DNMBP: variants seen among roughly 807,000 people sequenced by gnomAD.
DNMBP encodes dynamin-binding protein.
DNMBP carries 87 observed loss-of-function variants against 150.0 expected under a neutral mutation model. The ratio of observed to expected loss-of-function variants is 0.58; its 90% CI spans 0.49 to 0.69. The LOEUF is 0.69. Ranked by LOEUF, DNMBP falls within the 30% of genes least tolerant of loss-of-function variation. The pLI, the probability that DNMBP is intolerant of heterozygous loss-of-function variation, is 0.00. For synonymous variants in DNMBP, 711 were observed against 750.4 expected, an observed-to-expected ratio of 0.95 and a Z score of 0.86; for missense variants, 1,774 against 1,949.0, an observed-to-expected ratio of 0.91 and a Z score of 1.69.
rs373241582 is a variant in DNMBP, at chr10:99,895,122, C to CTTT, written c.3052-75_3052-73dup. 4,663 of 506,628 alleles carry CTTT rather than the reference C, an allele frequency of 9.2e-3. 8 individuals carry two copies. Among genetic ancestry groups the CTTT allele is most frequent in the South Asian group, 0.02 (788 of 40,130 alleles). 31.4% of individuals were successfully genotyped at this position (506,628 alleles called of 1,614,324 possible). A position where few individuals can be genotyped will look rare whatever the true frequency, so the allele number is the denominator to read the frequency against. The stretch of plus-strand genomic sequence containing the variant: ...TAATCTTACTGGCAAAAGTAGCTTG[C>CTTT]TTTTTTTTTTTTTTTTTTGTGGAGA... On this transcript the variant is annotated intron_variant, in intron 10 of 16. Coordinates refer to ENST00000324109, the MANE Select transcript of DNMBP (RefSeq NM_015221.4).
At chr10:99,995,056 A>ATT (rs752654175) in intron 1 of DNMBP, among the ~76,000 whole-genome samples, 12 of 128,180 alleles carry the variant, frequency 9.4e-5, no homozygotes, top group East Asian at 2.2e-4. Context: ...CTTGAAAACA[A>ATT]TTTTTTTTTT....
intron 6 of DNMBP, among the ~76,000 whole-genome samples, chr10:99,906,606 A>T (rs1416218715): frequency 6.6e-6 from 1 of 152,038 alleles, no homozygotes; most frequent in East Asian, 1.9e-4. Flanking sequence ...GCTCTCTCTC[A>T]CAGGTCACTC....
At chr10:99,944,850 T>C (rs1404297936) in intron 4 of DNMBP, among the ~76,000 whole-genome samples, 4 of 152,220 alleles carry the variant, frequency 2.6e-5, no homozygotes, top group African/African-American at 7.2e-5. Context: ...ATACTGGACT[T>C]TTTATTTCCA....
intron 1 of DNMBP, among the ~76,000 whole-genome samples, chr10:99,995,743 A>T (rs1398771450): frequency 3.4e-5 from 4 of 117,456 alleles, no homozygotes; most frequent in Non-Finnish European, 5.4e-5. Flanking sequence ...TTCTATAAGA[A>T]TGTGACAAAC....
intron 3 of DNMBP, among the ~76,000 whole-genome samples, chr10:99,962,539 G>A (rs938624599): frequency 3.9e-5 from 6 of 152,208 alleles, no homozygotes; most frequent in African/African-American, 1.4e-4. Context: ...GCTGAGGCAG[G>A]AGAACGGTGT....
intron 4 of DNMBP, chr10:99,930,372 C>T (rs1476648478): frequency 2.8e-6 from 2 of 702,942 alleles, no homozygotes; most frequent in South Asian, 3.0e-5. Context: ...CCCGTATCCA[C>T]CAGCTTTCGA....
rs563496004 is a variant in DNMBP, at chr10:99,978,082, C to T, written c.-10-5948G>A. The stretch of plus-strand genomic sequence containing the variant: ...GATCTAGGAGCTTAAATCCTCACGA[C>T]TCCGCAAGGTAGACAGCAAGTCTCC... On this transcript the variant is annotated intron_variant, in intron 1 of 16. Transcript: ENST00000324109. Among the ~76,000 whole-genome samples, 6 of 152,320 alleles carry T rather than the reference C, an allele frequency of 3.9e-5. No individual in the cohort carries two copies. In the East Asian group the frequency reaches 1.2e-3, roughly 29 times the overall value.
chr10:99,940,802 T>C (rs2040288615), intron 4 of DNMBP, among the ~76,000 whole-genome samples: 1 of 152,226 alleles, frequency 6.6e-6, no homozygotes, highest in African/African-American at 2.4e-5. Flanking sequence ...TCAGTGAAAC[T>C]GCTCTTGACA....
Position 99,885,727 on chromosome 10 carries a change from G to A in DNMBP, c.3758C>T (p.Thr1253Ile), listed in dbSNP as rs913236673. 6.3e-6 allele frequency: 10 copies of A among 1,589,882 alleles called. No individual in the cohort carries two copies. In the East Asian group the frequency reaches 2.0e-4, roughly 32 times the overall value. ...CTTTCGAGCAGACTGGCGGTCAATG[G>A]TTTTCCTCTCAAATGGCTTCTTGGT... ...PATKKPFERKTIDRQSARKPL... is the reference protein window; with the variant it reads ...PATKKPFERKIIDRQSARKPL... Residue 1253 changes from threonine to isoleucine, a missense_variant, in exon 14 of 17, where the codon ACC becomes ATC. By Grantham distance (89) the Thr-to-Ile change is moderately conservative. Transcript: ENST00000324109.
chr10:99,920,969 C>T (rs1005727231), intron 4 of DNMBP, among the ~76,000 whole-genome samples: 3 of 152,142 alleles, frequency 2.0e-5, no homozygotes, highest in Non-Finnish European at 4.4e-5. Context: ...TGTGAGCCAC[C>T]ATGCCCAGCC....
At chr10:99,999,888 T>C (rs1330104703) in intron 1 of DNMBP, among the ~76,000 whole-genome samples, 2 of 152,124 alleles carry the variant, frequency 1.3e-5, no homozygotes, top group Non-Finnish European at 2.9e-5. Context: ...GGAGAGGTGG[T>C]AGGCACTGGT....
chr10:99,891,786 G>A (rs1407162121), intron 11 of DNMBP, among the ~76,000 whole-genome samples: 9 of 149,918 alleles, frequency 6.0e-5, no homozygotes, highest in Middle Eastern at 3.5e-3. Context: ...CTGCCCGGCC[G>A]CCCATCGTCT....
At chr10:99,965,977 G>T (rs917858543) in intron 3 of DNMBP, among the ~76,000 whole-genome samples, 2 of 152,214 alleles carry the variant, frequency 1.3e-5, no homozygotes, top group Non-Finnish European at 2.9e-5. Context: ...TTGCATATCT[G>T]GCATAAAACA....
chr10:99,935,093 A>C (rs1229774737), intron 4 of DNMBP, among the ~76,000 whole-genome samples: 12 of 146,150 alleles, frequency 8.2e-5, no homozygotes, highest in Non-Finnish European at 1.5e-4. Context: ...TCCACAAAAA[A>C]AAAAAAAAAA....
intron 3 of DNMBP, among the ~76,000 whole-genome samples, chr10:99,964,181 C>A (rs561981705): frequency 8.2e-6 from 1 of 122,414 alleles, no homozygotes; most frequent in African/African-American, 3.2e-5. Flanking sequence ...CTTGCTCTGT[C>A]GCCCAGGCTG....
intron 1 of DNMBP, among the ~76,000 whole-genome samples, chr10:100,008,390 GC>G (rs960120217): frequency 6.6e-6 from 1 of 152,152 alleles, no homozygotes; most frequent in African/African-American, 2.4e-5. Flanking sequence ...TCAGTGCACT[GC>G]ACGAACCCCG....
intron 9 of DNMBP, among the ~76,000 whole-genome samples, 181 bp downstream of exon 9, chr10:99,897,903 ACT>A (rs972569277): frequency 9.9e-5 from 15 of 152,018 alleles, no homozygotes; most frequent in Admixed American, 2.6e-4. Context: ...ACAGAGCAAG[ACT>A]CTGTCTCAAA....
rs558779687 is a variant in DNMBP, at chr10:99,933,894, G to A, written c.2260+21320C>T. Among the ~76,000 whole-genome samples the A allele has an allele frequency of 7.4e-3, 1,128 of 152,190 alleles. 16 individuals carry two copies. Among genetic ancestry groups the A allele is most frequent in the African/African-American group, 0.024 (982 of 41,506 alleles). On this transcript the variant is annotated intron_variant, in intron 4 of 16. Transcript: ENST00000324109. ...TGGGACTACAGGCGCCCGCCACCAT[G>A]CCCGGCTAAAGTTTTGTAATTTTAG...
rs1196566749 is a variant in DNMBP at position 99,930,936 on chromosome 10, T to C, written c.2261-21790A>G. ...CGGAGCGCAGTGAGATGTGGAGTTA[T>C]TTCAACCTCAGGATCCAATCAGCGA... On this transcript the variant is annotated intron_variant, in intron 4 of 16. Coordinates refer to ENST00000324109, the MANE Select transcript of DNMBP (RefSeq NM_015221.4). The C allele has an allele frequency of 8.0e-6, 4 of 502,068 alleles. No homozygotes were observed. In the Admixed American group the frequency reaches 1.1e-4, roughly 14 times the overall value. The allele number at this position is 502,068 out of a possible 1,614,324, so 31.1% of individuals were successfully genotyped here.
Sources: gnomAD v4.1 joint callset for allele counts (sites outside exome capture counted in the v4.1 genomes callset) on GRCh38, gnomAD v4.1.1 for gene constraint, MANE v1.5 for transcripts, NCBI Gene and HGNC (gene_info 2026-07-23, HGNC 2026-07-21) for gene names.